ASIC2: variants seen among roughly 807,000 people sequenced by gnomAD.
The protein encoded by ASIC2 is acid sensing ion channel subunit 2.
A neutral mutation model predicts 57.3 loss-of-function variants in ASIC2; 25 were observed. That is an observed-to-expected ratio of 0.44 (90% CI 0.32 to 0.61). ASIC2 has a LOEUF of 0.61. ASIC2 is among the 20% of genes least tolerant of loss of function. The pLI is 0.06. For missense variants in ASIC2, 641 were observed against 738.1 expected (o/e 0.87, Z 1.52); for synonymous variants, 319 against 307.5 (o/e 1.04, Z -0.39).
intron 1 of ASIC2, among the ~76,000 whole-genome samples, chr17:34,089,648 C>T (rs1333033699): frequency 1.3e-5 from 2 of 152,176 alleles, no homozygotes; most frequent in Admixed American, 1.3e-4. Context: ...CTGCTTGGCC[C>T]CAGGTCCCCA....
At chr17:34,149,158 G>A (rs1335543485) in intron 1 of ASIC2, among the ~76,000 whole-genome samples, 2 of 149,410 alleles carry the variant, frequency 1.3e-5, no homozygotes, top group African/African-American at 2.5e-5. Flanking sequence ...CCAGGCTGGA[G>A]TGCAGTGGTG....
intron 1 of ASIC2, among the ~76,000 whole-genome samples, chr17:33,129,328 C>A (rs1371801658): frequency 6.6e-6 from 1 of 152,022 alleles, no homozygotes; most frequent in Non-Finnish European, 1.5e-5. Flanking sequence ...TCTCTGTCTT[C>A]TGAAAACAAA....
chr17:33,188,298 A>C (rs1272535082), intron 1 of ASIC2, among the ~76,000 whole-genome samples: 1 of 152,174 alleles, frequency 6.6e-6, no homozygotes, highest in Admixed American at 6.6e-5. Flanking sequence ...AGACAAAATA[A>C]AAATAATGGA....
At chr17:33,148,036 G>C (rs1454787280) in intron 1 of ASIC2, among the ~76,000 whole-genome samples, 1 of 152,208 alleles carries the variant, frequency 6.6e-6, no homozygotes, top group African/African-American at 2.4e-5. Context: ...GCAAAGACCA[G>C]AGTAGAACCA....
intron 1 of ASIC2, among the ~76,000 whole-genome samples, chr17:33,877,653 G>A (rs1226732201): frequency 6.6e-6 from 1 of 152,214 alleles, no homozygotes; most frequent in East Asian, 1.9e-4. Context: ...AAGGAGGCCT[G>A]CCTGCCTCTG....
chr17:33,499,855 C>A (rs986128137), intron 1 of ASIC2, among the ~76,000 whole-genome samples: 1 of 152,122 alleles, frequency 6.6e-6, no homozygotes, highest in Admixed American at 6.5e-5. Context: ...GAAGCATTGC[C>A]GAGACGGAGA....
At chr17:33,341,591 A>G (rs979018101) in intron 1 of ASIC2, among the ~76,000 whole-genome samples, 21 of 152,226 alleles carry the variant, frequency 1.4e-4, no homozygotes, top group Non-Finnish European at 1.5e-4. Flanking sequence ...TTACAAAAAC[A>G]GTTGTCAACC....
intron 3 of ASIC2, among the ~76,000 whole-genome samples, chr17:33,063,489 C>T (rs1005762561): frequency 2.0e-5 from 3 of 151,898 alleles, no homozygotes; most frequent in African/African-American, 4.8e-5. Context: ...GAATATTGGC[C>T]CCCCCTCTCT....
chr17:33,078,911 A>C (rs1385834261), intron 3 of ASIC2, among the ~76,000 whole-genome samples: 1 of 152,228 alleles, frequency 6.6e-6, no homozygotes, highest in Non-Finnish European at 1.5e-5. Flanking sequence ...TAGGACAGGA[A>C]GAAGGCTCAA....
rs535671160 is a variant in ASIC2 at position 33,546,146 on chromosome 17, T to C, written c.556-434079A>G. Among the ~76,000 whole-genome samples the C allele has an allele frequency of 1.0e-4, 15 of 150,010 alleles. No homozygotes were observed. In the South Asian group the frequency reaches 2.9e-3, roughly 29 times the overall value. On this transcript the variant is annotated intron_variant, in intron 1 of 9. Transcript: ENST00000359872. ...ATGTAAATATATATACACATATGTA[T>C]ATGTAAATATATATACATAAGTATA...
intron 1 of ASIC2, among the ~76,000 whole-genome samples, chr17:33,639,900 C>T (rs769240479): frequency 3.9e-5 from 6 of 152,104 alleles, no homozygotes; most frequent in Non-Finnish European, 8.8e-5. Context: ...TTAAAGTGCC[C>T]TTTGAGCAAT....
intron 1 of ASIC2, among the ~76,000 whole-genome samples, chr17:34,107,876 C>T (rs1275244967): frequency 3.3e-5 from 5 of 152,124 alleles, no homozygotes; most frequent in Non-Finnish European, 7.4e-5. Context: ...TAGCATGCAT[C>T]CGAAAGTCAA....
intron 1 of ASIC2, among the ~76,000 whole-genome samples, chr17:33,259,512 G>T (rs778914259): frequency 2.0e-5 from 3 of 151,946 alleles, no homozygotes; most frequent in Non-Finnish European, 2.9e-5. Flanking sequence ...ACCAGACAAG[G>T]TGTGCATATC....
chr17:34,126,411 G>T (rs1004314910), intron 1 of ASIC2, among the ~76,000 whole-genome samples: 9 of 152,170 alleles, frequency 5.9e-5, no homozygotes, highest in African/African-American at 2.2e-4. Context: ...CACCCCAGAG[G>T]TGAGATCTAT....
chr17:33,409,206 C>T (rs1386697481), intron 1 of ASIC2, among the ~76,000 whole-genome samples: 1 of 152,082 alleles, frequency 6.6e-6, no homozygotes, highest in Non-Finnish European at 1.5e-5. Flanking sequence ...CAGAGTGAGA[C>T]TCTGTCTAAA....
At chr17:33,040,468 A>C (rs997234969) in intron 3 of ASIC2, among the ~76,000 whole-genome samples, 1 of 152,206 alleles carries the variant, frequency 6.6e-6, no homozygotes, top group Non-Finnish European at 1.5e-5. Flanking sequence ...AGGGGTCTGG[A>C]CCAGATAGTT....
At chr17:33,233,395 C>T (rs1309360541) in intron 1 of ASIC2, among the ~76,000 whole-genome samples, 2 of 151,910 alleles carry the variant, frequency 1.3e-5, no homozygotes, top group Non-Finnish European at 2.9e-5. Context: ...CACACTACAC[C>T]ACCGTGTGTG....
intron 1 of ASIC2, among the ~76,000 whole-genome samples, chr17:34,034,911 C>T (rs1394974265): frequency 6.6e-6 from 1 of 152,084 alleles, no homozygotes; most frequent in East Asian, 1.9e-4. Flanking sequence ...TAGGAAGAAT[C>T]AATATCATGA....
At chr17:33,099,712 T>C (rs1030727345) in intron 2 of ASIC2, among the ~76,000 whole-genome samples, 1 of 152,172 alleles carries the variant, frequency 6.6e-6, no homozygotes, top group Non-Finnish European at 1.5e-5. Flanking sequence ...GTTCAGATTA[T>C]CACCCTTGAA....
Sources: gnomAD v4.1 joint callset for allele counts (sites outside exome capture counted in the v4.1 genomes callset) on GRCh38, gnomAD v4.1.1 for gene constraint, MANE v1.5 for transcripts, NCBI Gene and HGNC (gene_info 2026-07-23, HGNC 2026-07-21) for gene names.